Variants in FGF12 observed in about 807,000 individuals in gnomAD.
The protein encoded by FGF12 is fibroblast growth factor 12, also known as fibroblast growth factor 12B.
A neutral mutation model predicts 23.6 loss-of-function variants in FGF12; 14 were observed. The observed-to-expected ratio is 0.59, with a 90% CI of 0.39 to 0.93. The LOEUF (loss-of-function observed/expected upper bound fraction) is 0.93, where lower values mean the gene tolerates loss of function less well. Among genes scored for constraint, FGF12 ranks in the 40% least tolerant of loss-of-function variants. The pLI is 0.00. For synonymous variants in FGF12, 62 were observed against 77.3 expected, an observed-to-expected ratio of 0.80 and a Z score of 1.04; for missense variants, 175 against 217.8, an observed-to-expected ratio of 0.80 and a Z score of 1.24.
chr3:192,567,866 CTT>C (rs370042444), intron 2 of FGF12, among the ~76,000 whole-genome samples: 1 of 145,564 alleles, frequency 6.9e-6, no homozygotes, highest in Non-Finnish European at 1.5e-5. Flanking sequence ...GAGTTTTGCT[CTT>C]GTCGTCCAGG....
chr3:192,245,882 G>A (rs1477514259), intron 4 of FGF12, among the ~76,000 whole-genome samples: 7 of 152,026 alleles, frequency 4.6e-5, no homozygotes, highest in Admixed American at 2.6e-4. Flanking sequence ...TTGCTTTTTC[G>A]GACCCTAATG....
intron 2 of FGF12, among the ~76,000 whole-genome samples, chr3:192,420,876 G>C (rs1221807935): frequency 3.9e-5 from 6 of 152,018 alleles, no homozygotes; most frequent in Non-Finnish European, 8.8e-5. Flanking sequence ...TCATCATATA[G>C]TATCTTTGAT....
intron 2 of FGF12, among the ~76,000 whole-genome samples, chr3:192,373,013 T>A (rs1014089327): frequency 1.3e-5 from 2 of 152,208 alleles, no homozygotes; most frequent in Non-Finnish European, 1.5e-5. Flanking sequence ...AGTCACTGCA[T>A]AAATACAATT....
intron 2 of FGF12, among the ~76,000 whole-genome samples, chr3:192,381,539 A>G (rs1317515578): frequency 6.6e-6 from 1 of 152,220 alleles, no homozygotes; most frequent in South Asian, 2.1e-4. Flanking sequence ...CAGTTATTAT[A>G]ATTACAAATA....
At position 192,150,239 on chromosome 3, in the gene FGF12, C is replaced by T. The variant is rs1249544121; in HGVS notation, c.428-6112G>A. 1.2e-4 allele frequency among the ~76,000 whole-genome samples: 10 copies of T among 86,854 alleles called. 1 individual carries two copies. Among genetic ancestry groups the T allele is most frequent in the Non-Finnish European group, 1.9e-4 (8 of 41,742 alleles). 57.0% of individuals were successfully genotyped at this position (86,854 alleles called of 152,430 possible). A position where few individuals can be genotyped will look rare whatever the true frequency, so the allele number is the denominator to read the frequency against. ...AGCCCTTTGTCAGATGACTAGGTTG[C>T]GAAAATTTTCTCCCATTTTGTAGGT... On this transcript the variant is annotated intron_variant, in intron 5 of 5. Coordinates refer to ENST00000445105, the MANE Select transcript of FGF12 (RefSeq NM_004113.6).
intron 4 of FGF12, among the ~76,000 whole-genome samples, chr3:192,206,347 G>A (rs1717648168): frequency 6.6e-6 from 1 of 152,188 alleles, no homozygotes; most frequent in African/African-American, 2.4e-5. Flanking sequence ...AATCAGATAT[G>A]AGATTAAAGT....
intron 4 of FGF12, among the ~76,000 whole-genome samples, chr3:192,241,696 A>G (rs1418243540): frequency 6.6e-6 from 1 of 152,192 alleles, no homozygotes; most frequent in Admixed American, 6.6e-5. Flanking sequence ...CTATGCTAGA[A>G]TTAAAATTAA....
chr3:192,588,230 G>T (rs564301559), intron 2 of FGF12, among the ~76,000 whole-genome samples: 1 of 150,574 alleles, frequency 6.6e-6, no homozygotes, highest in Admixed American at 6.6e-5. Context: ...GGCTCCTGTA[G>T]TCCCAGCTAC....
intron 2 of FGF12, among the ~76,000 whole-genome samples, chr3:192,548,339 C>T (rs1725547738): frequency 6.6e-6 from 1 of 152,078 alleles, no homozygotes; most frequent in Non-Finnish European, 1.5e-5. Flanking sequence ...TCTTAAATTT[C>T]AAATTCAATA....
chr3:192,348,754 C>A (rs1056723803), intron 3 of FGF12, among the ~76,000 whole-genome samples: 1 of 152,052 alleles, frequency 6.6e-6, no homozygotes, highest in Admixed American at 6.6e-5. Flanking sequence ...AATTCAAATC[C>A]TGGGTCTATT....
intron 2 of FGF12, among the ~76,000 whole-genome samples, chr3:192,390,386 A>G (rs1310582904): frequency 6.6e-6 from 1 of 152,206 alleles, no homozygotes; most frequent in Admixed American, 6.5e-5. Flanking sequence ...TTTTAAAGCC[A>G]TTTAAAGGTG....
intron 2 of FGF12, among the ~76,000 whole-genome samples, chr3:192,432,309 T>C (rs1395553291): frequency 6.6e-6 from 1 of 152,074 alleles, no homozygotes; most frequent in African/African-American, 2.4e-5. Context: ...GTGGGAGTAT[T>C]GATTCATATG....
chr3:192,582,909 C>T (rs1338981467), intron 2 of FGF12, among the ~76,000 whole-genome samples: 1 of 152,106 alleles, frequency 6.6e-6, no homozygotes, highest in Non-Finnish European at 1.5e-5. Flanking sequence ...CACAAACATG[C>T]ACACTGTGCA....
chr3:192,261,758 CTAAAG>C (rs1712770476), intron 4 of FGF12, among the ~76,000 whole-genome samples: 1 of 152,128 alleles, frequency 6.6e-6, no homozygotes. Flanking sequence ...TTCTCCCTAC[CTAAAG>C]TAATTTTATG....
At chr3:192,416,596 T>C (rs1721360639) in intron 2 of FGF12, among the ~76,000 whole-genome samples, 1 of 152,132 alleles carries the variant, frequency 6.6e-6, no homozygotes, top group Admixed American at 6.5e-5. Context: ...TAAATTAGCA[T>C]TGTTAGGCTA....
chr3:192,376,628 C>G (rs1413273769), intron 2 of FGF12, among the ~76,000 whole-genome samples: 1 of 152,212 alleles, frequency 6.6e-6, no homozygotes, highest in Non-Finnish European at 1.5e-5. Context: ...TCCCAAAGTG[C>G]TGGGATTACA....
chr3:192,302,413 C>T (rs1715397835), intron 4 of FGF12, among the ~76,000 whole-genome samples: 2 of 152,088 alleles, frequency 1.3e-5, no homozygotes, highest in South Asian at 4.1e-4. Context: ...GGGATTTCTC[C>T]CCCTTTTAAG....
At chr3:192,661,668 A>G (rs1309727680) in intron 2 of FGF12, among the ~76,000 whole-genome samples, 2 of 152,224 alleles carry the variant, frequency 1.3e-5, no homozygotes, top group African/African-American at 4.8e-5. Flanking sequence ...ACAAATCTTA[A>G]GTAGTGGAAT....
intron 3 of FGF12, among the ~76,000 whole-genome samples, chr3:192,344,514 A>C (rs1717858359): frequency 6.6e-6 from 1 of 152,198 alleles, no homozygotes. Context: ...CCTATTTTAT[A>C]AGCAATTGGC....
Sources: allele counts gnomAD v4.1 joint callset (sites outside exome capture counted in the v4.1 genomes callset), GRCh38; gene constraint gnomAD v4.1.1; transcripts MANE v1.5; gene names NCBI Gene and HGNC (gene_info 2026-07-23, HGNC 2026-07-21).